Variants in TMEM40 observed in about 807,000 individuals in gnomAD.
TMEM40 encodes the protein transmembrane protein 40.
TMEM40 carries 34 observed loss-of-function variants against 40.8 expected under a neutral mutation model. The ratio of observed to expected loss-of-function variants is 0.83; its 90% CI spans 0.63 to 1.11. TMEM40 has a LOEUF of 1.11. Among genes scored for constraint, TMEM40 ranks in the 50% least tolerant of loss-of-function variants. The pLI is 0.00. For synonymous variants in TMEM40, 106 were observed against 107.0 expected (o/e 0.99, Z 0.06); for missense variants, 296 against 280.2 (o/e 1.06, Z -0.40).
At chr3:12,736,069 C>T (rs1292553878) in intron 10 of TMEM40, among the ~76,000 whole-genome samples, 2 of 152,076 alleles carry the variant, frequency 1.3e-5, no homozygotes, top group Non-Finnish European at 2.9e-5. Context: ...TATGGAGCTG[C>T]CTGTTTTTCC....
chr3:12,754,239 G>A (rs906368689), intron 1 of TMEM40, among the ~76,000 whole-genome samples: 1 of 152,148 alleles, frequency 6.6e-6, no homozygotes, highest in African/African-American at 2.4e-5. Flanking sequence ...GTGAACCCGG[G>A]AGGTGGAGCT....
At chr3:12,745,757 G>T (rs55934601) in intron 3 of TMEM40, among the ~76,000 whole-genome samples, 11,769 of 150,134 alleles carry the variant, frequency 0.078, 1,247 homozygotes, top group African/African-American at 0.24. Flanking sequence ...CCTAATACAA[G>T]TTTTTAAATA....
At chr3:12,734,871 C>T in intron 11 of TMEM40, 78 bp from the exon 12 acceptor site, 1 of 1,519,022 alleles carries the variant, frequency 6.6e-7, no homozygotes, top group South Asian at 1.2e-5. Context: ...CTCAGATGCC[C>T]AAGTACCCCT....
At chr3:12,755,248 T>TC (rs2061517320) in intron 1 of TMEM40, among the ~76,000 whole-genome samples, 3 of 111,388 alleles carry the variant, frequency 2.7e-5, no homozygotes, top group African/African-American at 1.4e-4. Context: ...TCTTTCTTTC[T>TC]TTCTTTCTTT....
chr3:12,742,076 A>G (rs1424929272), intron 5 of TMEM40, among the ~76,000 whole-genome samples: 2 of 149,598 alleles, frequency 1.3e-5, no homozygotes, highest in Non-Finnish European at 3.0e-5. Flanking sequence ...CTAAAAATAC[A>G]AAAAATTAGC....
Position 12,749,815 on chromosome 3 carries a change from G to A in TMEM40, c.18C>T (p.Ser6=), listed in dbSNP as rs751985921. 2 of 1,613,994 alleles carry A rather than the reference G, an allele frequency of 1.2e-6. No individual in the cohort carries two copies. The highest frequency in any genetic ancestry group is 3.3e-5 in the Admixed American group (2 of 60,002). ...GACTGTTGTCCTGAGGCTGGGAGGA[G>A]GATGCTGAAGTCTCCATGGCTTTTC... METSA[S]SSQPQDNSQV... is the part of the protein sequence containing the mutation. Residue 6 remains serine (S), a synonymous_variant, in exon 2 of 12, where the codon TCC becomes TCT. Coordinates refer to ENST00000314124, the MANE Select transcript of TMEM40 (RefSeq NM_018306.4).
chr3:12,767,337 G>A (rs192256861), intron 1 of TMEM40, among the ~76,000 whole-genome samples: 65 of 152,202 alleles, frequency 4.3e-4, no homozygotes, highest in African/African-American at 9.9e-4. Flanking sequence ...GGGGGAAAAG[G>A]CTCTCCTTGG....
At chr3:12,736,677 T>C (rs761327575) in intron 9 of TMEM40, 25 bp from the exon 10 acceptor site, 3 of 1,612,442 alleles carry the variant, frequency 1.9e-6, no homozygotes, top group Non-Finnish European at 2.5e-6. Flanking sequence ...AGGGAGGGAA[T>C]GGTCAGCCTC....
chr3:12,737,547 C>G, intron 8 of TMEM40, 160 bp downstream of exon 8: 1 of 687,622 alleles, frequency 1.5e-6, no homozygotes, highest in Non-Finnish European at 2.5e-6. Context: ...AACCATTGTC[C>G]CACCCTGTTG....
At chr3:12,741,111 G>C (rs1029001848) in intron 5 of TMEM40, 1 of 152,294 alleles carries the variant, frequency 6.6e-6, no homozygotes, top group African/African-American at 2.4e-5. Flanking sequence ...AGCCAAGCTG[G>C]CTTGTACACC....
chr3:12,752,140 G>A (rs1363973831), intron 1 of TMEM40, among the ~76,000 whole-genome samples: 1 of 152,078 alleles, frequency 6.6e-6, no homozygotes, highest in Non-Finnish European at 1.5e-5. Flanking sequence ...CCAGGCTAAA[G>A]TGCAGTGGTG....
chr3:12,755,268 TTTCTTTCTTTCTTTC>T (rs1383377553), intron 1 of TMEM40, among the ~76,000 whole-genome samples: 19 of 123,156 alleles, frequency 1.5e-4, no homozygotes, highest in African/African-American at 3.2e-4. Flanking sequence ...TCTTTCTTTC[TTTCTTTCTTTCTTTC>T]TTCTTTTCTA....
chr3:12,750,613 T>C (rs1047967842), intron 1 of TMEM40, among the ~76,000 whole-genome samples: 1 of 152,172 alleles, frequency 6.6e-6, no homozygotes, highest in African/African-American at 2.4e-5. Flanking sequence ...GATTCATTTA[T>C]TTTTTACTTC....
At chr3:12,767,148 GT>G (rs1559537516) in intron 1 of TMEM40, among the ~76,000 whole-genome samples, 1 of 152,224 alleles carries the variant, frequency 6.6e-6, no homozygotes, top group Non-Finnish European at 1.5e-5. Context: ...AGCTGGGGAG[GT>G]TAAGTAACTT....
chr3:12,767,913 G>C (rs2061601308), intron 1 of TMEM40, among the ~76,000 whole-genome samples: 2 of 152,126 alleles, frequency 1.3e-5, no homozygotes, highest in African/African-American at 4.8e-5. Flanking sequence ...CAAAACTTGT[G>C]GAAGTGTCAT....
chr3:12,748,404 G>A (rs893924351), intron 3 of TMEM40, among the ~76,000 whole-genome samples: 4 of 152,184 alleles, frequency 2.6e-5, no homozygotes, highest in Admixed American at 2.0e-4. Context: ...TAGCTACAGC[G>A]ATATTACAGA....
In TMEM40 at chr3:12,748,823, C is replaced by G. The variant is rs115903019; in HGVS notation, c.74-31G>C. The G allele has an allele frequency of 1.8e-5, 29 of 1,604,264 alleles. No individual in the cohort carries two copies. The African/African-American group carries it at 3.2e-4, about 18-fold the overall frequency. The stretch of plus-strand genomic sequence containing the variant: ...AGGCACACAGAGGCCAGGGGATGAG[C>G]GTTTCCCACCCTTCCCACCCCAGGG... On this transcript the variant is annotated intron_variant, in intron 2 of 11. Coordinates refer to ENST00000314124, the MANE Select transcript of TMEM40 (RefSeq NM_018306.4).
rs75381467 is a variant in TMEM40 at position 12,738,664 on chromosome 3, G to A, written c.356-76C>T. ...GAGAAGTCATGCTTCAGGGAAGGTGGATCCTGCTCGGAGACTTCCCACTTA... is the reference window on the plus strand; with the variant it reads ...GAGAAGTCATGCTTCAGGGAAGGTGAATCCTGCTCGGAGACTTCCCACTTA... On this transcript the variant is annotated intron_variant, in intron 5 of 11. Coordinates refer to ENST00000314124, the MANE Select transcript of TMEM40 (RefSeq NM_018306.4). 573 of 1,502,462 alleles carry A rather than the reference G, an allele frequency of 3.8e-4. No homozygotes were observed. The African/African-American group carries it at 7.1e-3, about 19-fold the overall frequency. 93.1% of individuals were successfully genotyped at this position (1,502,462 alleles called of 1,614,324 possible).
chr3:12,737,906 G>A (rs1297283712), intron 7 of TMEM40, 152 bp from the exon 8 acceptor site: 13 of 949,318 alleles, frequency 1.4e-5, no homozygotes, highest in Non-Finnish European at 2.0e-5. Context: ...GTGAAGATGG[G>A]GGTACTGTCC....
Sources: gnomAD v4.1 joint callset for allele counts (sites outside exome capture counted in the v4.1 genomes callset) on GRCh38, gnomAD v4.1.1 for gene constraint, MANE v1.5 for transcripts, NCBI Gene and HGNC (gene_info 2026-07-23, HGNC 2026-07-21) for gene names.